The following GTF2H1 variants were observed in gnomAD, a reference collection of about 807,000 sequenced individuals.
GTF2H1 encodes BTF2 p62.
Under a neutral mutation model 71.2 loss-of-function variants are expected in GTF2H1, and 16 were observed. The ratio of observed to expected loss-of-function variants is 0.22; its 90% CI spans 0.15 to 0.34. The LOEUF is 0.34. Among genes scored for constraint, GTF2H1 ranks in the 10% least tolerant of loss-of-function variants. GTF2H1 has a pLI of 1.00. For synonymous variants in GTF2H1, 215 were observed against 219.0 expected (o/e 0.98, Z 0.16); for missense variants, 498 against 648.2 (o/e 0.77, Z 2.52).
intron 11 of GTF2H1, among the ~76,000 whole-genome samples, chr11:18,356,652 A>G (rs1254541308): frequency 2.0e-5 from 3 of 152,066 alleles, no homozygotes; most frequent in African/African-American, 7.2e-5. Flanking sequence ...TAGCACTATC[A>G]TAGCTTACTG....
At chr11:18,351,334 C>T (rs1565015364) in intron 9 of GTF2H1, among the ~76,000 whole-genome samples, 2 of 145,388 alleles carry the variant, frequency 1.4e-5, no homozygotes, top group African/African-American at 2.6e-5. Context: ...CAGGCTGGAA[C>T]GCAGTGGCGT....
At chr11:18,356,018 C>G (rs1865535667) in intron 11 of GTF2H1, among the ~76,000 whole-genome samples, 1 of 152,062 alleles carries the variant, frequency 6.6e-6, no homozygotes, top group African/African-American at 2.4e-5. Flanking sequence ...ATAGATGTTC[C>G]AGGCTTATCT....
At chr11:18,337,189 G>A (rs1370995991) in intron 3 of GTF2H1, among the ~76,000 whole-genome samples, 2 of 152,112 alleles carry the variant, frequency 1.3e-5, no homozygotes, top group African/African-American at 4.8e-5. Flanking sequence ...AGCACTTTTC[G>A]AGGCTGAGGT....
intron 1 of GTF2H1, among the ~76,000 whole-genome samples, chr11:18,327,759 T>G (rs568716544): frequency 6.6e-6 from 1 of 152,316 alleles, no homozygotes; most frequent in East Asian, 1.9e-4. Context: ...CAGCTAATTT[T>G]TATAGTTTTT....
At chr11:18,332,426 A>AG (rs1367989638) in intron 1 of GTF2H1, among the ~76,000 whole-genome samples, 2 of 152,210 alleles carry the variant, frequency 1.3e-5, no homozygotes, top group Non-Finnish European at 2.9e-5. Context: ...ATGGAGGTGG[A>AG]GGGACCAGAC....
At chr11:18,328,823 CAAA>C (rs1014351335) in intron 1 of GTF2H1, among the ~76,000 whole-genome samples, 66 of 128,024 alleles carry the variant, frequency 5.2e-4, no homozygotes, top group African/African-American at 1.8e-3. Flanking sequence ...GACTCCATCT[CAAA>C]AAAAAAAAAA....
intron 7 of GTF2H1, among the ~76,000 whole-genome samples, chr11:18,346,733 CTTTTTTT>C (rs35494754): frequency 1.4e-3 from 123 of 85,222 alleles, no homozygotes; most frequent in Middle Eastern, 0.02. Flanking sequence ...TTTTTATTTA[CTTTTTTT>C]TTTTTTTTTT....
chr11:18,345,935 C>T (rs1195246184), intron 7 of GTF2H1, among the ~76,000 whole-genome samples: 3 of 151,984 alleles, frequency 2.0e-5, no homozygotes, highest in African/African-American at 2.4e-5. Flanking sequence ...GGACTACAGG[C>T]GTCCGCCACC....
At chr11:18,332,963 T>G (rs1450418440) in intron 1 of GTF2H1, 97 bp from the exon 2 acceptor site, 3 of 747,952 alleles carry the variant, frequency 4.0e-6, no homozygotes, top group South Asian at 5.0e-5. Context: ...TCCTACAGTT[T>G]AGATTTTATA....
In GTF2H1 at chr11:18,351,940, G is replaced by C; in HGVS notation, c.1113G>C (p.Thr371=). 6.3e-7 allele frequency: 1 copy of C among 1,597,256 alleles called. No homozygotes were observed. The highest frequency in any genetic ancestry group is 2.2e-5 in the East Asian group (1 of 44,654). Reference sequence around the variant, plus strand: ...TGGGGAAAAATAATTCTGTAAAAACGATTGCACTAAACCTCAAGAAGTCAG... The same window carrying C: ...TGGGGAAAAATAATTCTGTAAAAACCATTGCACTAAACCTCAAGAAGTCAG... ...EDLGKNNSVK[T]IALNLKKSDR... Residue 371 remains threonine (T), a synonymous_variant, in exon 10 of 15, where the codon ACG becomes ACC. Transcript: ENST00000265963.
chr11:18,352,087 T>A (rs749205247), intron 10 of GTF2H1, 118 bp downstream of exon 10: 3 of 664,414 alleles, frequency 4.5e-6, no homozygotes, highest in Non-Finnish European at 8.0e-6. Context: ...AATATCCTTT[T>A]CTGTTTAAAA....
rs529907937 is a variant in GTF2H1, at chr11:18,358,702, A to G, written c.1467+62A>G. ...GTAGTGACTTACAAGAAGTTTTGAA[A>G]TTGGAAAGTTTTATTGAGTCTTACC... On this transcript the variant is annotated intron_variant, in intron 13 of 14. Coordinates refer to ENST00000265963, the MANE Select transcript of GTF2H1 (RefSeq NM_005316.4). 235 of 1,016,874 alleles carry G rather than the reference A, an allele frequency of 2.3e-4. 1 individual carries two copies. The highest frequency in any genetic ancestry group is 4.1e-4 in the Middle Eastern group (2 of 4,852). The allele number at this position is 1,016,874 out of a possible 1,614,324, so 63.0% of individuals were successfully genotyped here.
intron 5 of GTF2H1, among the ~76,000 whole-genome samples, 158 bp downstream of exon 5, chr11:18,339,815 A>G (rs954747174): frequency 6.6e-6 from 1 of 152,244 alleles, no homozygotes; most frequent in African/African-American, 2.4e-5. Context: ...CTAGGGGCTC[A>G]GTAAATAATG....
intron 1 of GTF2H1, among the ~76,000 whole-genome samples, chr11:18,328,937 C>A (rs1190409952): frequency 1.3e-5 from 2 of 152,168 alleles, no homozygotes; most frequent in Non-Finnish European, 2.9e-5. Flanking sequence ...GGAAAACTCT[C>A]AAAGTCTTAA....
At chr11:18,339,996 T>C (rs1190368945) in intron 5 of GTF2H1, among the ~76,000 whole-genome samples, 3 of 152,204 alleles carry the variant, frequency 2.0e-5, no homozygotes, top group Non-Finnish European at 4.4e-5. Context: ...TGATTTATTA[T>C]GTGTAGACAA....
intron 1 of GTF2H1, among the ~76,000 whole-genome samples, chr11:18,330,354 G>C (rs1193279044): frequency 6.6e-6 from 1 of 152,178 alleles, no homozygotes; most frequent in Non-Finnish European, 1.5e-5. Flanking sequence ...AGGCAGATTT[G>C]TTAGAGAAAG....
chr11:18,332,396 A>G lies in GTF2H1; in HGVS notation c.-15-664A>G, dbSNP rs369370657. ...CCTGGAGGATTTGGGTTGGGCATTT[A>G]AGATTCTCAGAGGCAGGGGATGGAG... On this transcript the variant is annotated intron_variant, in intron 1 of 14. Transcript: ENST00000265963. Among the ~76,000 whole-genome samples, 44 of 152,308 alleles carry G rather than the reference A, an allele frequency of 2.9e-4. No homozygotes were observed. The East Asian group carries it at 8.1e-3, about 28-fold the overall frequency.
chr11:18,343,667 C>G (rs934510308), intron 7 of GTF2H1, among the ~76,000 whole-genome samples: 13 of 152,208 alleles, frequency 8.5e-5, no homozygotes, highest in Non-Finnish European at 8.8e-5. Context: ...CTCTAGCTGC[C>G]TACTTGACAT....
At chr11:18,346,722 CTTTTT>C (rs1213234279) in intron 7 of GTF2H1, among the ~76,000 whole-genome samples, 1 of 107,874 alleles carries the variant, frequency 9.3e-6, no homozygotes, top group African/African-American at 3.5e-5. Context: ...ATATTCTATT[CTTTTT>C]ATTTACTTTT....
Sources: gnomAD v4.1 joint callset for allele counts (sites outside exome capture counted in the v4.1 genomes callset) on GRCh38, gnomAD v4.1.1 for gene constraint, MANE v1.5 for transcripts, NCBI Gene and HGNC (gene_info 2026-07-23, HGNC 2026-07-21) for gene names.